SHISA9: variants seen among roughly 807,000 people sequenced by gnomAD.
SHISA9 encodes protein shisa-9.
SHISA9 carries 13 observed loss-of-function variants against 38.0 expected under a neutral mutation model. The ratio of observed to expected loss-of-function variants is 0.34; its 90% CI spans 0.22 to 0.54. SHISA9 has a LOEUF of 0.54. SHISA9 is among the 20% of genes least tolerant of loss of function. SHISA9 has a pLI of 0.91. For missense variants in SHISA9, 538 were observed against 575.8 expected (o/e 0.93, Z 0.67); for synonymous variants, 275 against 242.0 (o/e 1.14, Z -1.27).
chr16:12,916,689 G>T lies in SHISA9; in HGVS notation c.565G>T (p.Ala189Ser). ...HRPQREHMSR[A>S]LADVMRPQGH... is the part of the protein sequence containing the mutation. ...GATTTAAATTCTTTCTTCTTTCAGG[G>T]CCCTTGCGGATGTCATGAGACCACA... Residue 189 changes from alanine to serine, a missense_variant and splice_region_variant, in exon 2 of 5, where the codon GCC (alanine) becomes TCC (serine). Coordinates refer to ENST00000558583, the MANE Select transcript of SHISA9 (RefSeq NM_001145204.3). 4 of 1,549,546 alleles carry T rather than the reference G, an allele frequency of 2.6e-6. No homozygotes were observed. The highest frequency in any genetic ancestry group is 3.5e-6 in the Non-Finnish European group (4 of 1,146,356).
intron 2 of SHISA9, among the ~76,000 whole-genome samples, chr16:12,968,275 A>G (rs1408206381): frequency 1.3e-5 from 2 of 150,806 alleles, no homozygotes; most frequent in Non-Finnish European, 2.9e-5. Context: ...TCACAGTCTC[A>G]AGGCTGGGAC....
At chr16:13,371,364 C>G in the SHISA9 span, among the ~76,000 whole-genome samples, 1 of 152,176 alleles carries the variant, frequency 6.6e-6, no homozygotes, top group African/African-American at 2.4e-5. Context: ...TTGGTATCCA[C>G]TGAAACTGAT....
At chr16:13,429,143 G>A in the SHISA9 span, among the ~76,000 whole-genome samples, 1 of 152,246 alleles carries the variant, frequency 6.6e-6, no homozygotes, top group African/African-American at 2.4e-5. Context: ...TGGCACTGAA[G>A]GTTGATAGCA....
At chr16:13,095,399 A>G (rs901875466) in intron 2 of SHISA9, among the ~76,000 whole-genome samples, 3 of 152,240 alleles carry the variant, frequency 2.0e-5, no homozygotes, top group East Asian at 1.9e-4. Flanking sequence ...AAAATGGGGA[A>G]GAAGCAATGA....
At chr16:13,324,612 C>T in the SHISA9 span, among the ~76,000 whole-genome samples, 2 of 151,886 alleles carry the variant, frequency 1.3e-5, no homozygotes, top group Admixed American at 6.6e-5. Flanking sequence ...AACCTCTTGA[C>T]GATTATGTGA....
chr16:13,413,472 T>A, the SHISA9 span, among the ~76,000 whole-genome samples: 1 of 152,042 alleles, frequency 6.6e-6, no homozygotes, highest in Admixed American at 6.6e-5. Flanking sequence ...ATTTGCAGTG[T>A]TGGCCAGGCG....
chr16:13,319,034 C>T, the SHISA9 span, among the ~76,000 whole-genome samples: 3 of 152,340 alleles, frequency 2.0e-5, no homozygotes, highest in East Asian at 5.8e-4. Flanking sequence ...GAGAGAGTCT[C>T]ACTCTGTCGC....
downstream of SHISA9, among the ~76,000 whole-genome samples, chr16:13,243,476 C>G (rs138343869): frequency 2.0e-4 from 30 of 152,158 alleles, no homozygotes; most frequent in African/African-American, 7.2e-4. Flanking sequence ...TAAATTTAAA[C>G]ATTTTCTGGT....
chr16:13,282,668 C>CT, the SHISA9 span, among the ~76,000 whole-genome samples: 1 of 152,040 alleles, frequency 6.6e-6, no homozygotes, highest in Non-Finnish European at 1.5e-5. Flanking sequence ...TCCTAGGACT[C>CT]TGTTACATTT....
Position 13,119,131 on chromosome 16 carries a change from G to A in SHISA9, c.692-84263G>A, listed in dbSNP as rs1209871946. Among the ~76,000 whole-genome samples the A allele has an allele frequency of 3.9e-5, 6 of 152,134 alleles. No individual in the cohort carries two copies. In the East Asian group the frequency reaches 7.7e-4, roughly 20 times the overall value. On this transcript the variant is annotated intron_variant, in intron 2 of 4. Transcript: ENST00000558583. ...GATCCGCCCACTTCGGCCTCCCAAA[G>A]TGCGGGATTACAGGCGTGAGCCACC...
At chr16:12,973,983 A>G (rs749519189) in intron 2 of SHISA9, among the ~76,000 whole-genome samples, 4 of 152,216 alleles carry the variant, frequency 2.6e-5, no homozygotes, top group Non-Finnish European at 5.9e-5. Flanking sequence ...CATAAGTGGC[A>G]TCAAAGTATT....
At chr16:13,090,286 G>T (rs2073759857) in intron 2 of SHISA9, among the ~76,000 whole-genome samples, 1 of 152,154 alleles carries the variant, frequency 6.6e-6, no homozygotes, top group Non-Finnish European at 1.5e-5. Context: ...CTGTTGATTT[G>T]GTGTGGAGAG....
intron 2 of SHISA9, among the ~76,000 whole-genome samples, chr16:13,121,106 C>A (rs1007130129): frequency 9.2e-5 from 14 of 151,962 alleles, no homozygotes; most frequent in Non-Finnish European, 1.2e-4. Flanking sequence ...CTGCAGTGAG[C>A]TATGATTGCA....
chr16:13,176,489 C>G (rs1366037248), intron 2 of SHISA9, among the ~76,000 whole-genome samples: 1 of 152,192 alleles, frequency 6.6e-6, no homozygotes, highest in Non-Finnish European at 1.5e-5. Flanking sequence ...ATGCCTGATG[C>G]CACCACTCTT....
At chr16:13,015,919 CTCCT>C (rs1333764409) in intron 2 of SHISA9, among the ~76,000 whole-genome samples, 1 of 94,908 alleles carries the variant, frequency 1.1e-5, no homozygotes, top group African/African-American at 3.7e-5. Context: ...TTCTTTCTTT[CTCCT>C]TCCTTCCTTC....
At chr16:13,369,656 GCA>G in the SHISA9 span, among the ~76,000 whole-genome samples, 17 of 152,154 alleles carry the variant, frequency 1.1e-4, no homozygotes, top group African/African-American at 3.9e-4. Context: ...TGTGCCAACT[GCA>G]TCATAATGAG....
chr16:13,425,495 A>T, the SHISA9 span, among the ~76,000 whole-genome samples: 9 of 152,060 alleles, frequency 5.9e-5, no homozygotes, highest in Non-Finnish European at 1.3e-4. Flanking sequence ...TCAAACAAAA[A>T]CAAAAACTAA....
intron 2 of SHISA9, among the ~76,000 whole-genome samples, chr16:13,168,915 G>A (rs778987106): frequency 1.3e-5 from 2 of 152,210 alleles, no homozygotes; most frequent in Non-Finnish European, 2.9e-5. Context: ...GACAGATGAC[G>A]CATGCATCGT....
At chr16:13,506,739 A>G in the SHISA9 span, among the ~76,000 whole-genome samples, 2 of 152,150 alleles carry the variant, frequency 1.3e-5, no homozygotes, top group Admixed American at 1.3e-4. Context: ...TCTGCACACC[A>G]TCTTAAAGAT....
Sources: allele counts gnomAD v4.1 joint callset (sites outside exome capture counted in the v4.1 genomes callset), GRCh38; gene constraint gnomAD v4.1.1; transcripts MANE v1.5; gene names NCBI Gene and HGNC (gene_info 2026-07-23, HGNC 2026-07-21).